EML4: variants seen among roughly 807,000 people sequenced by gnomAD.
EML4 encodes echinoderm microtubule-associated protein-like 4.
EML4 carries 72 observed loss-of-function variants against 129.0 expected under a neutral mutation model. The observed-to-expected ratio is 0.56, with a 90% CI of 0.46 to 0.68. EML4 has a LOEUF of 0.68. Ranked by LOEUF, EML4 falls within the 30% of genes least tolerant of loss-of-function variation. The pLI is 0.00. For synonymous variants in EML4, 532 were observed against 405.0 expected (o/e 1.31, Z -3.77); for missense variants, 1,363 against 1,190.6 (o/e 1.14, Z -2.13).
rs181422677 is a variant in EML4 at position 42,230,523 on chromosome 2, C to G, written c.26-14982C>G. Among the ~76,000 whole-genome samples the G allele has an allele frequency of 6.7e-3, 1,020 of 152,300 alleles. 5 individuals are homozygous for G. Among genetic ancestry groups the G allele is most frequent in the Non-Finnish European group, 0.011 (735 of 68,024 alleles). ...CCAGGTTCAAGTGATTCTCCTGCCTCAGCCTCCCTAGTAGCTGGGACTACA... is the reference window on the plus strand; with the variant it reads ...CCAGGTTCAAGTGATTCTCCTGCCTGAGCCTCCCTAGTAGCTGGGACTACA... On this transcript the variant is annotated intron_variant, in intron 1 of 22. Coordinates refer to ENST00000318522, the MANE Select transcript of EML4 (RefSeq NM_019063.5).
At chr2:42,193,126 T>C (rs1035663614) in intron 1 of EML4, among the ~76,000 whole-genome samples, 5 of 152,236 alleles carry the variant, frequency 3.3e-5, no homozygotes, top group Non-Finnish European at 7.3e-5. Flanking sequence ...TGTATTTTAC[T>C]GTACCTTTTC....
At chr2:42,232,438 T>A (rs1054026914) in intron 1 of EML4, among the ~76,000 whole-genome samples, 1 of 152,214 alleles carries the variant, frequency 6.6e-6, no homozygotes, top group Non-Finnish European at 1.5e-5. Flanking sequence ...ATTATAAAAC[T>A]ACAGCCTTAC....
At chr2:42,310,420 CT>C in intron 17 of EML4, among the ~76,000 whole-genome samples, 1 of 152,044 alleles carries the variant, frequency 6.6e-6, no homozygotes, top group South Asian at 2.1e-4. Flanking sequence ...TCTCAGCTCA[CT>C]TGCAGCCTCT....
chr2:42,217,197 A>G (rs1489049084), intron 1 of EML4, among the ~76,000 whole-genome samples: 2 of 152,226 alleles, frequency 1.3e-5, no homozygotes, highest in African/African-American at 4.8e-5. Flanking sequence ...TATATTTACT[A>G]TGAATTTTAT....
intron 19 of EML4, among the ~76,000 whole-genome samples, chr2:42,321,320 T>A (rs1177358873): frequency 6.6e-6 from 1 of 152,032 alleles, no homozygotes; most frequent in Admixed American, 6.5e-5. Flanking sequence ...GAGGCGGAGC[T>A]TGCAGTGAGC....
At chr2:42,242,365 G>A (rs1675092585) in intron 1 of EML4, among the ~76,000 whole-genome samples, 2 of 152,256 alleles carry the variant, frequency 1.3e-5, no homozygotes, top group Admixed American at 1.3e-4. Context: ...CTTGCAAAAA[G>A]TGAATTTATT....
At chr2:42,197,779 CA>C (rs1558493643) in intron 1 of EML4, among the ~76,000 whole-genome samples, 2 of 152,156 alleles carry the variant, frequency 1.3e-5, no homozygotes, top group African/African-American at 4.8e-5. Flanking sequence ...GTAAGTGTGT[CA>C]TTAGCTATTG....
chr2:42,199,889 G>C (rs911579200), intron 1 of EML4, among the ~76,000 whole-genome samples: 3 of 152,126 alleles, frequency 2.0e-5, no homozygotes, highest in South Asian at 2.1e-4. Flanking sequence ...CATGGAAAGA[G>C]ACCATTTGCT....
chr2:42,312,328 G>A (rs780786999), intron 17 of EML4, among the ~76,000 whole-genome samples: 2 of 151,956 alleles, frequency 1.3e-5, no homozygotes, highest in Non-Finnish European at 2.9e-5. Flanking sequence ...GGTTCAGGCC[G>A]TAACAGGAAG....
At chr2:42,279,178 A>G (rs1347489652) in intron 6 of EML4, among the ~76,000 whole-genome samples, 3 of 152,264 alleles carry the variant, frequency 2.0e-5, no homozygotes, top group Middle Eastern at 3.4e-3. Flanking sequence ...ATATATGTGC[A>G]TGCCACATTT....
chr2:42,287,946 A>C (rs1337191158), intron 10 of EML4, among the ~76,000 whole-genome samples: 1 of 152,146 alleles, frequency 6.6e-6, no homozygotes, highest in Non-Finnish European at 1.5e-5. Context: ...ATAGCCTCAA[A>C]ATTAGTCACT....
At chr2:42,206,031 A>G (rs1672519617) in intron 1 of EML4, among the ~76,000 whole-genome samples, 2 of 152,056 alleles carry the variant, frequency 1.3e-5, no homozygotes, top group Non-Finnish European at 2.9e-5. Context: ...CACTTACTGC[A>G]TTTATCACTC....
chr2:42,206,168 C>G (rs530035535), intron 1 of EML4, among the ~76,000 whole-genome samples: 126 of 152,286 alleles, frequency 8.3e-4, no homozygotes, highest in African/African-American at 2.7e-3. Context: ...GCATTCCCCC[C>G]CTCTGGTCCA....
At chr2:42,226,459 A>C (rs2104154122) in intron 1 of EML4, among the ~76,000 whole-genome samples, 1 of 148,946 alleles carries the variant, frequency 6.7e-6, no homozygotes, top group Admixed American at 6.7e-5. Context: ...GGAGATCGAG[A>C]CCATCCTGGC....
intron 10 of EML4, among the ~76,000 whole-genome samples, chr2:42,287,612 A>C (rs761651848): frequency 1.4e-4 from 22 of 152,174 alleles, no homozygotes; most frequent in Non-Finnish European, 3.2e-4. Context: ...AATATCATCT[A>C]TAGGTATTTT....
At chr2:42,182,840 C>T (rs957634285) in intron 1 of EML4, among the ~76,000 whole-genome samples, 10 of 152,086 alleles carry the variant, frequency 6.6e-5, no homozygotes, top group African/African-American at 1.2e-4. Flanking sequence ...CACCTTCCTC[C>T]CTAGCTTGTA....
At chr2:42,312,490 T>C (rs1247951913) in intron 17 of EML4, among the ~76,000 whole-genome samples, 1 of 152,026 alleles carries the variant, frequency 6.6e-6, no homozygotes, top group Non-Finnish European at 1.5e-5. Flanking sequence ...AAAACTTTGG[T>C]CTCCACAACC....
chr2:42,246,832 A>G (rs11675336), intron 2 of EML4, among the ~76,000 whole-genome samples: 45,212 of 152,174 alleles, frequency 0.3, 8,052 homozygotes, highest in East Asian at 0.61. Flanking sequence ...GATGTCAAAT[A>G]AAACAAAGAC....
At chr2:42,244,930 A>G (rs773422042) in intron 1 of EML4, among the ~76,000 whole-genome samples, 51 of 152,052 alleles carry the variant, frequency 3.4e-4, no homozygotes, top group Non-Finnish European at 6.2e-4. Flanking sequence ...ATGATGTTGT[A>G]AAAATAGGGG....
Sources: gnomAD v4.1 joint callset for allele counts (sites outside exome capture counted in the v4.1 genomes callset) on GRCh38, gnomAD v4.1.1 for gene constraint, MANE v1.5 for transcripts, NCBI Gene and HGNC (gene_info 2026-07-23, HGNC 2026-07-21) for gene names.